PELI2: variants seen among roughly 807,000 people sequenced by gnomAD.
The protein encoded by PELI2 is pellino E3 ubiquitin protein ligase family member 2.
A neutral mutation model predicts 42.3 loss-of-function variants in PELI2; 23 were observed. The observed-to-expected ratio is 0.54, with a 90% confidence interval of 0.39 to 0.77. PELI2 has a LOEUF of 0.77. PELI2 is among the 30% of genes least tolerant of loss of function. The pLI is 0.00. For missense variants in PELI2, 463 were observed against 553.2 expected (o/e 0.84, Z 1.64); for synonymous variants, 245 against 212.2 (o/e 1.15, Z -1.34).
rs1882932174 is a variant in PELI2, at chr14:56,118,484, G to A, written c.-177G>A. 2.0e-5 allele frequency: 7 copies of A among 349,346 alleles called. No individual in the cohort carries two copies. The Admixed American group carries it at 3.0e-4, about 15-fold the overall frequency. The allele number at this position is 349,346 out of a possible 1,614,324, so 21.6% of individuals were successfully genotyped here. ...CCGGGGAGTCAGGCGGAGCAGCCGC[G>A]CAGCCACGACGGAGCAGCAGCGGGA... On this transcript the variant is annotated 5_prime_UTR_variant, in exon 1 of 6. Coordinates refer to ENST00000267460, the MANE Select transcript of PELI2 (RefSeq NM_021255.3).
At chr14:56,171,535 C>G (rs952520168) in intron 1 of PELI2, among the ~76,000 whole-genome samples, 1 of 152,206 alleles carries the variant, frequency 6.6e-6, no homozygotes, top group Non-Finnish European at 1.5e-5. Flanking sequence ...AGCCAGCCAG[C>G]TTGTAGGTTT....
intron 1 of PELI2, among the ~76,000 whole-genome samples, chr14:56,134,356 C>G (rs1445659266): frequency 6.6e-6 from 1 of 152,108 alleles, no homozygotes; most frequent in Non-Finnish European, 1.5e-5. Context: ...TATTTTTACT[C>G]AAAATTAGTT....
intron 2 of PELI2, among the ~76,000 whole-genome samples, chr14:56,238,438 T>C (rs1887869032): frequency 6.6e-6 from 1 of 152,192 alleles, no homozygotes; most frequent in Non-Finnish European, 1.5e-5. Flanking sequence ...ATATTTTAGG[T>C]TCTTGTCATA....
chr14:56,288,887 C>T lies in PELI2; in HGVS notation c.507+253C>T, dbSNP rs972783387. 1.3e-5 allele frequency among the ~76,000 whole-genome samples: 2 copies of T among 152,184 alleles called. No individual in the cohort carries two copies. The highest frequency in any genetic ancestry group is 3.4e-3 in the Middle Eastern group (1 of 294). On this transcript the variant is annotated intron_variant, in intron 4 of 5. Coordinates refer to ENST00000267460, the MANE Select transcript of PELI2 (RefSeq NM_021255.3). This position sits in a 1 kb window ranked among gnomAD's most constrained non-coding sequence, Gnocchi z 4.6. ...TACTTTTTTTAAAGTATGCCTATAA[C>T]ATTGTCCATAATGTATTTACGGCAA...
intron 2 of PELI2, among the ~76,000 whole-genome samples, chr14:56,266,832 T>C (rs769513995): frequency 6.6e-6 from 1 of 152,016 alleles, no homozygotes; most frequent in Admixed American, 6.6e-5. Context: ...TTTAAATAAT[T>C]TAATGCCTGC....
chr14:56,170,734 A>G (rs1490744549), intron 1 of PELI2, among the ~76,000 whole-genome samples: 1 of 152,226 alleles, frequency 6.6e-6, no homozygotes, highest in Non-Finnish European at 1.5e-5. Flanking sequence ...TAAAACAGAA[A>G]AACCCTTTAT....
At chr14:56,245,723 C>T (rs1279560153) in intron 2 of PELI2, among the ~76,000 whole-genome samples, 1 of 152,162 alleles carries the variant, frequency 6.6e-6, no homozygotes, top group Non-Finnish European at 1.5e-5. Context: ...GCAGATCCAA[C>T]AAACTGAGGA....
At chr14:56,199,897 A>T (rs1356248928) in intron 2 of PELI2, among the ~76,000 whole-genome samples, 3 of 152,140 alleles carry the variant, frequency 2.0e-5, no homozygotes. Context: ...TGTTGACTTG[A>T]TGTTGATTGA....
At chr14:56,272,372 C>T (rs549415597) in intron 2 of PELI2, among the ~76,000 whole-genome samples, 2 of 152,236 alleles carry the variant, frequency 1.3e-5, no homozygotes, top group African/African-American at 4.8e-5. Context: ...TACACACACG[C>T]ATGCACACCG....
chr14:56,232,394 C>G (rs1887617615), intron 2 of PELI2, among the ~76,000 whole-genome samples: 1 of 152,126 alleles, frequency 6.6e-6, no homozygotes, highest in African/African-American at 2.4e-5. Context: ...AGCAGCACAT[C>G]AAAAAGCTTA....
intron 1 of PELI2, among the ~76,000 whole-genome samples, chr14:56,135,307 A>G (rs1345209937): frequency 1.3e-5 from 2 of 152,234 alleles, no homozygotes; most frequent in African/African-American, 4.8e-5. Flanking sequence ...AAGTGGCTTA[A>G]TGAATTTGTT....
At chr14:56,218,337 T>C (rs558934539) in intron 2 of PELI2, among the ~76,000 whole-genome samples, 1 of 152,254 alleles carries the variant, frequency 6.6e-6, no homozygotes, top group African/African-American at 2.4e-5. Context: ...GTTCAACATA[T>C]AAGCCAAGAA....
intron 2 of PELI2, among the ~76,000 whole-genome samples, chr14:56,259,543 G>A (rs1201845213): frequency 6.6e-6 from 1 of 152,110 alleles, no homozygotes; most frequent in African/African-American, 2.4e-5. Context: ...AAAGGAAATG[G>A]TATGATCGTC....
At chr14:56,201,818 C>G (rs1169638725) in intron 2 of PELI2, among the ~76,000 whole-genome samples, 1 of 152,176 alleles carries the variant, frequency 6.6e-6, no homozygotes. Context: ...TCTACAAAAG[C>G]TGAATTCTGA....
intron 1 of PELI2, among the ~76,000 whole-genome samples, chr14:56,152,881 G>A (rs898725878): frequency 1.8e-4 from 27 of 152,106 alleles, no homozygotes; most frequent in African/African-American, 6.5e-4. Flanking sequence ...GGGAATGTAG[G>A]CAATATGCAT....
At chr14:56,145,357 G>T (rs1048288893) in intron 1 of PELI2, among the ~76,000 whole-genome samples, 1 of 152,172 alleles carries the variant, frequency 6.6e-6, no homozygotes, top group African/African-American at 2.4e-5. Flanking sequence ...CAACACTGGG[G>T]ATTACAATTC....
intron 3 of PELI2, among the ~76,000 whole-genome samples, chr14:56,284,303 T>C (rs374278837): frequency 6.6e-6 from 1 of 152,144 alleles, no homozygotes; most frequent in African/African-American, 2.4e-5. Context: ...GAAAGAAAAG[T>C]CTAACAAGAA....
Position 56,197,087 on chromosome 14 carries a change from G to A in PELI2, c.207+18623G>A, listed in dbSNP as rs1227412084. The stretch of plus-strand genomic sequence containing the variant: ...TTAATTGAGCATCTGCTGTGTGCCA[G>A]GCCCTGGGCTCTGCATGGGATGAGT... On this transcript the variant is annotated intron_variant, in intron 2 of 5. Coordinates refer to ENST00000267460, the MANE Select transcript of PELI2 (RefSeq NM_021255.3). This position sits in a 1 kb window ranked among gnomAD's most constrained non-coding sequence, Gnocchi z 4.9. Among the ~76,000 whole-genome samples, 1 of 152,108 alleles carries A rather than the reference G, an allele frequency of 6.6e-6. No homozygotes were observed. The highest frequency in any genetic ancestry group is 1.5e-5 in the Non-Finnish European group (1 of 68,032).
chr14:56,262,050 G>T (rs1028293983), intron 2 of PELI2, among the ~76,000 whole-genome samples: 1 of 152,222 alleles, frequency 6.6e-6, no homozygotes, highest in Admixed American at 6.5e-5. Context: ...GGCTTTATCC[G>T]TAAGAGGGCA....
Sources: gnomAD v4.1 joint callset for allele counts (sites outside exome capture counted in the v4.1 genomes callset) on GRCh38, gnomAD v4.1.1 for gene constraint, Gnocchi (gnomAD v3.1) non-coding constraint, MANE v1.5 for transcripts, NCBI Gene and HGNC (gene_info 2026-07-23, HGNC 2026-07-21) for gene names.